Variants in TOR4A observed in about 807,000 individuals in gnomAD.
The protein encoded by TOR4A is torsin family 4 member A.
In TOR4A, 12 loss-of-function variants were observed where a neutral mutation model predicts 11.5. The observed-to-expected ratio is 1.04, with a 90% CI of 0.67 to 1.69. The LOEUF (loss-of-function observed/expected upper bound fraction) is 1.69. Ranked by LOEUF, TOR4A falls within the 40% of genes most tolerant of loss-of-function variation. The pLI is 0.00. For synonymous variants in TOR4A, 362 were observed against 307.4 expected (o/e 1.18, Z -1.86); for missense variants, 640 against 643.2 (o/e 0.99, Z 0.05).
At position 137,279,648 on chromosome 9, in the gene TOR4A, C is replaced by T. The variant is rs769146062; in HGVS notation, c.959C>T (p.Pro320Leu). The change falls in exon 2 of 2, where the codon CCC (proline) becomes CTC (leucine). Residue 320 changes from proline (P) to leucine (L), a missense_variant. Pro to Leu is a moderately conservative substitution (Grantham distance 98). Coordinates refer to ENST00000357503, the MANE Select transcript of TOR4A (RefSeq NM_017723.3). ...FVLQNASRAL[P>L]LRPDGFRSAE... ...CTGCAGAACGCGTCCCGCGCGCTGC[C>T]CCTGCGCCCCGACGGCTTCCGCAGT... 53 of 1,562,184 alleles carry T rather than the reference C, an allele frequency of 3.4e-5. No homozygotes were observed. Among genetic ancestry groups the T allele is most frequent in the Middle Eastern group, 3.3e-4 (2 of 6,006 alleles).
rs780309964 is a variant in TOR4A, at chr9:137,279,184, C to G, written c.495C>G (p.Pro165=). 3.7e-5 allele frequency: 58 copies of G among 1,557,192 alleles called. No homozygotes were observed. The highest frequency in any genetic ancestry group is 3.5e-6 in the Non-Finnish European group (4 of 1,151,224). ...KALQRAVFGQ[P]AAVSRIVALM... The stretch of plus-strand genomic sequence containing the variant: ...TGCAGCGCGCGGTGTTCGGCCAGCC[C>G]GCTGCCGTATCGCGCATCGTGGCGC... Residue 165 remains proline (P), a synonymous_variant, in exon 2 of 2, where the codon CCC becomes CCG. Transcript: ENST00000357503.
rs779528547 is a variant in TOR4A, at chr9:137,279,216, G to A, written c.527G>A (p.Arg176Gln). 21 of 1,544,490 alleles carry A rather than the reference G, an allele frequency of 1.4e-5. No individual in the cohort carries two copies. Among genetic ancestry groups the A allele is most frequent in the Admixed American group, 1.2e-4 (6 of 51,252 alleles). Residue 176 changes from arginine (R) to glutamine (Q), a missense_variant, in exon 2 of 2, where the codon CGG becomes CAG. By Grantham distance (43) the Arg-to-Gln change is conservative (BLOSUM62 1). Coordinates refer to ENST00000357503, the MANE Select transcript of TOR4A (RefSeq NM_017723.3). ...GTATCGCGCATCGTGGCGCTGATGC[G>A]GGACTACCTGGCCACGCATGTGCAC... The part of the protein sequence containing the change: ...AAVSRIVALM[R>Q]DYLATHVHSR...
At position 137,279,828 on chromosome 9, in the gene TOR4A, C is replaced by CG. The variant is rs1830694369; in HGVS notation, c.1142dup (p.Glu382Ter). The CG allele has an allele frequency of 6.3e-7, 1 of 1,597,296 alleles. No individual in the cohort carries two copies. Among genetic ancestry groups the CG allele is most frequent in the South Asian group, 1.1e-5 (1 of 89,302 alleles). ...GTCAGCTGCTTCCGGGACGAGATGG[C>CG]GGGTGAGGGCTTCTTTCCTGACCAG... On this transcript the variant is annotated frameshift_variant, in exon 2 of 2. Transcript: ENST00000357503. LOFTEE classifies it high-confidence loss of function.
rs768144882 is a variant in TOR4A at position 137,280,952 on chromosome 9, T to G, written c.*991T>G. 8.7e-4 allele frequency: 146 copies of G among 167,122 alleles called. No individual in the cohort carries two copies. Among genetic ancestry groups the G allele is most frequent in the Non-Finnish European group, 1.8e-3 (124 of 68,086 alleles). The allele number at this position is 167,122 out of a possible 1,614,324, so 10.4% of individuals were successfully genotyped here. On this transcript the variant is annotated 3_prime_UTR_variant, in exon 2 of 2. Coordinates refer to ENST00000357503, the MANE Select transcript of TOR4A (RefSeq NM_017723.3). Reference sequence around the variant, plus strand: ...TGTCTCCTCGGGGCCGGCGGTTGCCTCGGGACGGTTCTCGCCTCCTCCCAC... The same window carrying G: ...TGTCTCCTCGGGGCCGGCGGTTGCCGCGGGACGGTTCTCGCCTCCTCCCAC...
Position 137,281,640 on chromosome 9 carries a change from A to T in TOR4A, c.*1679A>T, listed in dbSNP as rs1465155315. ...TGGGCCCAGGGCGGGAGCGCTAGCG[A>T]GAGGGCTGCCCCGTCCTGCCCAGAG... On this transcript the variant is annotated 3_prime_UTR_variant, in exon 2 of 2. Coordinates refer to ENST00000357503, the MANE Select transcript of TOR4A (RefSeq NM_017723.3). The T allele has an allele frequency of 3.2e-5, 5 of 156,360 alleles. No individual in the cohort carries two copies. In the East Asian group the frequency reaches 5.9e-4, roughly 18 times the overall value. 9.7% of individuals were successfully genotyped at this position (156,360 alleles called of 1,614,324 possible).
At chr9:137,278,510 A>G in intron 1 of TOR4A, 143 bp from the exon 2 acceptor site, 1 of 474,026 alleles carries the variant, frequency 2.1e-6, no homozygotes, top group African/African-American at 2.0e-5. Flanking sequence ...CGAGGCCGCG[A>G]CCAGGCCCCT....
Position 137,278,731 on chromosome 9 carries a change from C to T in TOR4A, c.42C>T (p.Ala14=). 2 of 1,379,350 alleles carry T rather than the reference C, an allele frequency of 1.4e-6. No homozygotes were observed. The highest frequency in any genetic ancestry group is 1.6e-5 in the South Asian group (1 of 61,390). The allele number at this position is 1,379,350 out of a possible 1,614,324, so 85.4% of individuals were successfully genotyped here. A position where few individuals can be genotyped will look rare whatever the true frequency, so the allele number is the denominator to read the frequency against. Residue 14 remains alanine, a synonymous_variant, in exon 2 of 2, where the codon GCC becomes GCT. Transcript: ENST00000357503. ...GQPSLEPAAA[A]PRASGRCVIA... Reference sequence around the variant, plus strand: ...CCAGCCTGGAGCCTGCTGCCGCGGCCCCCCGAGCCTCGGGCCGGTGCGTGA... The same window carrying T: ...CCAGCCTGGAGCCTGCTGCCGCGGCTCCCCGAGCCTCGGGCCGGTGCGTGA...
chr9:137,280,096 A>G lies in TOR4A; in HGVS notation c.*135A>G. 1 of 1,016,894 alleles carries G rather than the reference A, an allele frequency of 9.8e-7. No homozygotes were observed. The highest frequency in any genetic ancestry group is 1.4e-6 in the Non-Finnish European group (1 of 705,830). The allele number at this position is 1,016,894 out of a possible 1,614,324, so 63.0% of individuals were successfully genotyped here. A position where few individuals can be genotyped will look rare whatever the true frequency, so the allele number is the denominator to read the frequency against. On this transcript the variant is annotated 3_prime_UTR_variant, in exon 2 of 2. Transcript: ENST00000357503. ...GGCTGGTGGGTGCGGATCAGCTTGG[A>G]GCTCTGCTTCCAGGTCCACACCCGC...
rs1830696200 is a variant in TOR4A at position 137,279,962 on chromosome 9, T to C, written c.*1T>C. ...GGTGGCCACGGTGAACCTCCTGTAG[T>C]GGAGGCGCAGGACGGGACGTTTGGG... On this transcript the variant is annotated 3_prime_UTR_variant, in exon 2 of 2. Coordinates refer to ENST00000357503, the MANE Select transcript of TOR4A (RefSeq NM_017723.3). 1.3e-5 allele frequency: 20 copies of C among 1,571,182 alleles called. No homozygotes were observed. Among genetic ancestry groups the C allele is most frequent in the Non-Finnish European group, 1.6e-5 (19 of 1,157,272 alleles).
intron 1 of TOR4A, among the ~76,000 whole-genome samples, chr9:137,278,402 C>T (rs1210630965): frequency 6.6e-6 from 1 of 151,710 alleles, no homozygotes; most frequent in African/African-American, 2.4e-5. Context: ...CCTCAAGGCC[C>T]GCGGCCGTTT....
Position 137,278,709 on chromosome 9 carries a change from G to A in TOR4A, c.20G>A (p.Ser7Asn). 7.3e-7 allele frequency: 1 copy of A among 1,375,524 alleles called. No homozygotes were observed. Among genetic ancestry groups the A allele is most frequent in the Non-Finnish European group, 9.3e-7 (1 of 1,071,650 alleles). The allele number at this position is 1,375,524 out of a possible 1,614,324, so 85.2% of individuals were successfully genotyped here. Reference protein sequence around the residue: MDRGQPSLEPAAAAPRA... With the variant: MDRGQPNLEPAAAAPRA... ...TGCGACATGGACCGCGGCCAGCCCA[G>A]CCTGGAGCCTGCTGCCGCGGCCCCC... The change falls in exon 2 of 2, where the codon AGC (serine) becomes AAC (asparagine). Residue 7 changes from serine (S) to asparagine (N), a missense_variant. By Grantham distance (46) the Ser-to-Asn change is conservative (BLOSUM62 1). Transcript: ENST00000357503.
Position 137,280,276 on chromosome 9 carries a change from G to T in TOR4A, c.*315G>T. 7.0e-6 allele frequency: 3 copies of T among 430,672 alleles called. No homozygotes were observed. Among genetic ancestry groups the T allele is most frequent in the Admixed American group, 3.9e-5 (1 of 25,566 alleles). 26.7% of individuals were successfully genotyped at this position (430,672 alleles called of 1,614,324 possible). ...TCCCATGGTACAAGGATGATCTCAGGGCCAACAATTCCCGGGGTCACACAG... is the reference window on the plus strand; with the variant it reads ...TCCCATGGTACAAGGATGATCTCAGTGCCAACAATTCCCGGGGTCACACAG... On this transcript the variant is annotated 3_prime_UTR_variant, in exon 2 of 2. Transcript: ENST00000357503.
Position 137,280,081 on chromosome 9 carries a change from T to A in TOR4A, c.*120T>A. 1 of 1,139,652 alleles carries A rather than the reference T, an allele frequency of 8.8e-7. No individual in the cohort carries two copies. Among genetic ancestry groups the A allele is most frequent in the Non-Finnish European group, 1.2e-6 (1 of 814,176 alleles). The allele number at this position is 1,139,652 out of a possible 1,614,324, so 70.6% of individuals were successfully genotyped here. On this transcript the variant is annotated 3_prime_UTR_variant, in exon 2 of 2. Transcript: ENST00000357503. ...AATTTGTGGCTGCCCGGCTGGTGGG[T>A]GCGGATCAGCTTGGAGCTCTGCTTC...
At chr9:137,278,454 G>A (rs1435479269) in intron 1 of TOR4A, among the ~76,000 whole-genome samples, 199 bp from the exon 2 acceptor site, 4 of 150,100 alleles carry the variant, frequency 2.7e-5, no homozygotes. Flanking sequence ...CCTGCGGAGG[G>A]GCGGAGGGGC....
chr9:137,280,234 G>A lies in TOR4A; in HGVS notation c.*273G>A. 1.8e-6 allele frequency: 1 copy of A among 550,810 alleles called. No individual in the cohort carries two copies. The highest frequency in any genetic ancestry group is 2.7e-5 in the South Asian group (1 of 37,164). 34.1% of individuals were successfully genotyped at this position (550,810 alleles called of 1,614,324 possible). On this transcript the variant is annotated 3_prime_UTR_variant, in exon 2 of 2. Transcript: ENST00000357503. ...GCATGGTCTGGTGCGTTCTCCCTGTGGCCCCAAGAGGTGGGTTCCCATGGT... is the reference window on the plus strand; with the variant it reads ...GCATGGTCTGGTGCGTTCTCCCTGTAGCCCCAAGAGGTGGGTTCCCATGGT...
chr9:137,279,359 T>C lies in TOR4A; in HGVS notation c.670T>C (p.Tyr224His), dbSNP rs1333858819. ...VLEDSALVLQ[Y>H]HARHHCPEAR... The stretch of plus-strand genomic sequence containing the variant: ...GGAGGACAGCGCGCTCGTGCTGCAA[T>C]ACCATGCGCGGCACCACTGCCCCGA... The change falls in exon 2 of 2, where the codon TAC becomes CAC. Residue 224 changes from tyrosine (Y) to histidine (H), a missense_variant. Coordinates refer to ENST00000357503, the MANE Select transcript of TOR4A (RefSeq NM_017723.3). 1 of 1,528,326 alleles carries C rather than the reference T, an allele frequency of 6.5e-7. No homozygotes were observed. The highest frequency in any genetic ancestry group is 8.8e-7 in the Non-Finnish European group (1 of 1,140,690). The allele number at this position is 1,528,326 out of a possible 1,614,324, so 94.7% of individuals were successfully genotyped here. A position where few individuals can be genotyped will look rare whatever the true frequency, so the allele number is the denominator to read the frequency against.
At position 137,278,881 on chromosome 9, in the gene TOR4A, C is replaced by T. The variant is rs1588194659; in HGVS notation, c.192C>T (p.Pro64=). The part of the protein sequence containing the change: ...GTGAPRPGCS[P]RAPRADLDQP... ...GGGCGCCCAGGCCGGGCTGCAGCCCCCGGGCACCGCGCGCGGACCTGGACC... is the reference window on the plus strand; with the variant it reads ...GGGCGCCCAGGCCGGGCTGCAGCCCTCGGGCACCGCGCGCGGACCTGGACC... Residue 64 remains proline, a synonymous_variant, in exon 2 of 2, where the codon CCC becomes CCT. Coordinates refer to ENST00000357503, the MANE Select transcript of TOR4A (RefSeq NM_017723.3). 2 of 1,543,024 alleles carry T rather than the reference C, an allele frequency of 1.3e-6. No individual in the cohort carries two copies. The highest frequency in any genetic ancestry group is 8.7e-7 in the Non-Finnish European group (1 of 1,150,912).
In TOR4A at chr9:137,279,832, T is replaced by C; in HGVS notation, c.1143T>C (p.Gly381=). The C allele has an allele frequency of 6.3e-7, 1 of 1,595,608 alleles. No homozygotes were observed. The highest frequency in any genetic ancestry group is 8.5e-7 in the Non-Finnish European group (1 of 1,175,700). ...GCTGCTTCCGGGACGAGATGGCGGGTGAGGGCTTCTTTCCTGACCAGGCCC... is the reference window on the plus strand; with the variant it reads ...GCTGCTTCCGGGACGAGATGGCGGGCGAGGGCTTCTTTCCTGACCAGGCCC... ...VVSCFRDEMA[G]EGFFPDQARA... Residue 381 remains glycine, a synonymous_variant, in exon 2 of 2, where the codon GGT becomes GGC. Coordinates refer to ENST00000357503, the MANE Select transcript of TOR4A (RefSeq NM_017723.3).
In TOR4A at chr9:137,280,091, C is replaced by CT. The variant is rs1830697448; in HGVS notation, c.*132dup. 2 of 1,041,028 alleles carry CT rather than the reference C, an allele frequency of 1.9e-6. No homozygotes were observed. Among genetic ancestry groups the CT allele is most frequent in the Non-Finnish European group, 2.7e-6 (2 of 727,528 alleles). The allele number at this position is 1,041,028 out of a possible 1,614,324, so 64.5% of individuals were successfully genotyped here. ...TGCCCGGCTGGTGGGTGCGGATCAG[C>CT]TTGGAGCTCTGCTTCCAGGTCCACA... On this transcript the variant is annotated 3_prime_UTR_variant, in exon 2 of 2. Coordinates refer to ENST00000357503, the MANE Select transcript of TOR4A (RefSeq NM_017723.3).
Sources: gnomAD v4.1 joint callset for allele counts (sites outside exome capture counted in the v4.1 genomes callset) on GRCh38, gnomAD v4.1.1 for gene constraint, MANE v1.5 for transcripts, NCBI Gene and HGNC (gene_info 2026-07-23, HGNC 2026-07-21) for gene names.